The following CMTR1 variants were observed in gnomAD, a reference collection of about 807,000 sequenced individuals.
CMTR1 encodes the protein cap-specific mRNA (nucleoside-2'-O-)-methyltransferase 1.
CMTR1 carries 39 observed loss-of-function variants against 107.0 expected under a neutral mutation model. The observed-to-expected ratio is 0.36, with a 90% CI of 0.28 to 0.48. The LOEUF is 0.48. CMTR1 is among the 20% of genes least tolerant of loss of function. The pLI, the probability that CMTR1 is intolerant of heterozygous loss-of-function variation, is 0.99. For synonymous variants in CMTR1, 366 were observed against 379.5 expected (o/e 0.96, Z 0.41); for missense variants, 672 against 1,064.9 (o/e 0.63, Z 5.14).
intron 3 of CMTR1, 99 bp downstream of exon 3, chr6:37,444,249 TTTTTCCTTTGC>T: frequency 6.9e-7 from 1 of 1,446,190 alleles, no homozygotes; most frequent in Non-Finnish European, 9.3e-7. Context: ...TGGCCATAGG[TTTTTCCTTTGC>T]TTTTCAGCTA....
At position 37,468,064 on chromosome 6, in the gene CMTR1, GACTAATTCAGTATTTTTTAATA is replaced by G. The variant is rs1318290708; in HGVS notation, c.1506-2939_1506-2918del. On this transcript the variant is annotated intron_variant, in intron 13 of 23. Transcript: ENST00000373451. The stretch of plus-strand genomic sequence containing the variant: ...CTTCCCTCTGTTTTGTGGGGGGGGG[GACTAATTCAGTATTTTTTAATA>G]ACTAATTCAGTATTTTTAAAATAAT... Among the ~76,000 whole-genome samples the G allele has an allele frequency of 3.1e-3, 435 of 142,074 alleles. 5 individuals are homozygous for G. Among genetic ancestry groups the G allele is most frequent in the African/African-American group, 0.01 (399 of 39,510 alleles). 93.2% of individuals were successfully genotyped at this position (142,074 alleles called of 152,430 possible). A position where few individuals can be genotyped will look rare whatever the true frequency, so the allele number is the denominator to read the frequency against.
chr6:37,438,763 A>G (rs1771595452), intron 2 of CMTR1, among the ~76,000 whole-genome samples: 1 of 152,236 alleles, frequency 6.6e-6, no homozygotes, highest in Non-Finnish European at 1.5e-5. Flanking sequence ...TTCATTAAGT[A>G]CTTAGCATTT....
intron 2 of CMTR1, among the ~76,000 whole-genome samples, chr6:37,438,148 G>C (rs1771582530): frequency 6.6e-6 from 1 of 152,164 alleles, no homozygotes; most frequent in African/African-American, 2.4e-5. Flanking sequence ...CGGAGGTCAA[G>C]GTGGGCGGAT....
At chr6:37,471,603 T>G (rs1351972853) in intron 14 of CMTR1, among the ~76,000 whole-genome samples, 1 of 152,164 alleles carries the variant, frequency 6.6e-6, no homozygotes, top group African/African-American at 2.4e-5. Flanking sequence ...GGAGGGCACT[T>G]TCTCCTTTCC....
chr6:37,462,795 T>G lies in CMTR1; in HGVS notation c.1326-34T>G, dbSNP rs533770220. The G allele has an allele frequency of 1.2e-5, 20 of 1,605,328 alleles. No individual in the cohort carries two copies. The South Asian group carries it at 2.2e-4, about 18-fold the overall frequency. On this transcript the variant is annotated intron_variant, in intron 12 of 23. Coordinates refer to ENST00000373451, the MANE Select transcript of CMTR1 (RefSeq NM_015050.3). Reference sequence around the variant, plus strand: ...AAAGGAATGTATGGGGAGGAAGCCCTTGCTCGGTGGAGTGACAGAGTATCT... The same window carrying G: ...AAAGGAATGTATGGGGAGGAAGCCCGTGCTCGGTGGAGTGACAGAGTATCT...
At chr6:37,436,146 A>G (rs1771525830) in intron 2 of CMTR1, among the ~76,000 whole-genome samples, 1 of 152,088 alleles carries the variant, frequency 6.6e-6, no homozygotes, top group South Asian at 2.1e-4. Flanking sequence ...CGTCGAGCCT[A>G]ATTTTCACTT....
chr6:37,459,308 G>A (rs1338112187), intron 9 of CMTR1, among the ~76,000 whole-genome samples: 1 of 152,220 alleles, frequency 6.6e-6, no homozygotes, highest in Non-Finnish European at 1.5e-5. Context: ...AAATGTAGGT[G>A]CCTTAAACAC....
chr6:37,434,305 G>T (rs1771472984), intron 1 of CMTR1, among the ~76,000 whole-genome samples: 3 of 152,094 alleles, frequency 2.0e-5, no homozygotes, highest in Non-Finnish European at 4.4e-5. Context: ...ATGTGATCCA[G>T]GGTTTTACGA....
At chr6:37,462,741 G>T (rs1761425955) in intron 12 of CMTR1, 88 bp from the exon 13 acceptor site, 3 of 1,283,176 alleles carry the variant, frequency 2.3e-6, no homozygotes, top group Non-Finnish European at 2.2e-6. Flanking sequence ...AAGCCATTAA[G>T]CTTTGTGATT....
At chr6:37,431,877 G>T (rs1171447190), upstream of CMTR1, among the ~76,000 whole-genome samples, 1 of 152,170 alleles carries the variant, frequency 6.6e-6, no homozygotes, top group African/African-American at 2.4e-5. Context: ...GTGCAGTGGT[G>T]CAATCTCTGC....
At chr6:37,470,990 C>T (rs1447980668) in intron 13 of CMTR1, 31 bp from the exon 14 acceptor site, 2 of 1,575,854 alleles carry the variant, frequency 1.3e-6, no homozygotes, top group Non-Finnish European at 1.7e-6. Flanking sequence ...TTTTGGTAAT[C>T]CTGAGATCAA....
At position 37,474,892 on chromosome 6, in the gene CMTR1, C is replaced by T. The variant is rs186309732; in HGVS notation, c.1944+246C>T. Among the ~76,000 whole-genome samples, 143 of 152,338 alleles carry T rather than the reference C, an allele frequency of 9.4e-4. 1 individual carries two copies. The highest frequency in any genetic ancestry group is 4.4e-3 in the Admixed American group (68 of 15,296). On this transcript the variant is annotated intron_variant, in intron 18 of 23. Transcript: ENST00000373451. ...CGATTGTCTCTGTGCATTGAGGGCC[C>T]TGGTGAGTCTACTGGGTATTTTTTA... is the stretch of plus-strand genomic sequence containing the variant.
intron 3 of CMTR1, among the ~76,000 whole-genome samples, chr6:37,445,532 A>G (rs1272819695): frequency 3.4e-5 from 4 of 118,204 alleles, no homozygotes; most frequent in Non-Finnish European, 6.4e-5. Flanking sequence ...TCTGTCGCCC[A>G]GGCTGGAGTG....
chr6:37,462,173 C>T lies in CMTR1; in HGVS notation c.1325+71C>T, dbSNP rs915477380. ...CAGAACAGCAAATCATGGTGCATCT[C>T]TCTGGCATGACCTCTTAAGCTACGT... On this transcript the variant is annotated intron_variant, in intron 12 of 23. Coordinates refer to ENST00000373451, the MANE Select transcript of CMTR1 (RefSeq NM_015050.3). 1.3e-5 allele frequency: 21 copies of T among 1,556,200 alleles called. No homozygotes were observed. In the East Asian group the frequency reaches 4.0e-4, roughly 30 times the overall value.
At chr6:37,453,961 A>G (rs1037677752) in intron 8 of CMTR1, among the ~76,000 whole-genome samples, 2 of 152,204 alleles carry the variant, frequency 1.3e-5, no homozygotes, top group Non-Finnish European at 2.9e-5. Context: ...TCTCTGAACA[A>G]GCTTTGCGTG....
Position 37,458,567 on chromosome 6 carries a change from C to CTGT in CMTR1, c.778-44_778-42dup, listed in dbSNP as rs1281227709. 6.3e-7 allele frequency: 1 copy of CTGT among 1,588,246 alleles called. No individual in the cohort carries two copies. The highest frequency in any genetic ancestry group is 8.6e-7 in the Non-Finnish European group (1 of 1,161,506). Reference sequence around the variant, plus strand: ...ATTCTCCTTCCTGTTGCCCATTGAGCTGTCTTGTTTTCCTTCCTCTCCTGT... The same window carrying CTGT: ...ATTCTCCTTCCTGTTGCCCATTGAGCTGTTGTCTTGTTTTCCTTCCTCTCCTGT... On this transcript the variant is annotated intron_variant, in intron 8 of 23. Transcript: ENST00000373451. This position sits in a 1 kb window ranked among gnomAD's most constrained non-coding sequence, Gnocchi z 4.7.
At chr6:37,469,208 A>G (rs952042127) in intron 13 of CMTR1, among the ~76,000 whole-genome samples, 10 of 151,834 alleles carry the variant, frequency 6.6e-5, no homozygotes, top group African/African-American at 2.4e-4. Context: ...TTCACTGGGT[A>G]TGGAATTTGA....
the CMTR1 span, among the ~76,000 whole-genome samples, chr6:37,426,464 T>C: frequency 6.6e-6 from 1 of 152,176 alleles, no homozygotes; most frequent in Non-Finnish European, 1.5e-5. Flanking sequence ...TTTTCAATTT[T>C]TATTTTTTGA....
chr6:37,470,959 C>T, intron 13 of CMTR1, 62 bp from the exon 14 acceptor site: 4 of 1,428,194 alleles, frequency 2.8e-6, no homozygotes, highest in Non-Finnish European at 3.8e-6. Context: ...CCTCTCTGTC[C>T]TGATGTCAGT....
Sources: gnomAD v4.1 joint callset for allele counts (sites outside exome capture counted in the v4.1 genomes callset) on GRCh38, gnomAD v4.1.1 for gene constraint, Gnocchi (gnomAD v3.1) non-coding constraint, MANE v1.5 for transcripts, NCBI Gene and HGNC (gene_info 2026-07-23, HGNC 2026-07-21) for gene names.